Variants in TTBK2 observed in about 807,000 individuals in gnomAD.
TTBK2 encodes tau tubulin kinase 2.
A neutral mutation model predicts 110.8 loss-of-function variants in TTBK2; 28 were observed. The ratio of observed to expected loss-of-function variants is 0.25; its 90% confidence interval spans 0.19 to 0.35. The LOEUF is 0.35. Among genes scored for constraint, TTBK2 ranks in the 10% least tolerant of loss-of-function variants. The pLI is 1.00. For synonymous variants in TTBK2, 532 were observed against 527.3 expected (o/e 1.01, Z -0.12); for missense variants, 1,369 against 1,500.3 (o/e 0.91, Z 1.45).
intron 1 of TTBK2, among the ~76,000 whole-genome samples, chr15:42,918,174 C>A (rs1056227567): frequency 3.3e-5 from 5 of 152,034 alleles, no homozygotes; most frequent in African/African-American, 1.2e-4. Context: ...CTCCGATCCA[C>A]CCCCTCAGTC....
intron 1 of TTBK2, among the ~76,000 whole-genome samples, chr15:42,883,438 C>A (rs566714307): frequency 1.3e-5 from 2 of 149,886 alleles, no homozygotes; most frequent in African/African-American, 4.9e-5. Context: ...CTCAAGATTG[C>A]GGTTAGGTTT....
chr15:42,852,331 A>G (rs978773948), intron 3 of TTBK2, among the ~76,000 whole-genome samples: 2 of 152,156 alleles, frequency 1.3e-5, no homozygotes, highest in Non-Finnish European at 2.9e-5. Context: ...AACCTCCCAA[A>G]GTGCTGGGAT....
At chr15:42,776,134 C>T (rs1038689925) in intron 12 of TTBK2, among the ~76,000 whole-genome samples, 1 of 152,162 alleles carries the variant, frequency 6.6e-6, no homozygotes, top group African/African-American at 2.4e-5. Flanking sequence ...TGAGGAAGAA[C>T]ACACATATGT....
chr15:42,826,726 C>T (rs1207032055), intron 6 of TTBK2, among the ~76,000 whole-genome samples: 2 of 152,154 alleles, frequency 1.3e-5, no homozygotes, highest in Admixed American at 1.3e-4. Context: ...CATTCTGAAC[C>T]TATTCTTATT....
At chr15:42,789,696 T>C (rs1053806046) in intron 10 of TTBK2, among the ~76,000 whole-genome samples, 1 of 152,036 alleles carries the variant, frequency 6.6e-6, no homozygotes, top group African/African-American at 2.4e-5. Flanking sequence ...ATCATGTCAT[T>C]GCACTCCAGC....
In TTBK2 at chr15:42,754,404, A is replaced by T. The variant is rs541760657; in HGVS notation, c.1999-1157T>A. Among the ~76,000 whole-genome samples, 197 of 150,186 alleles carry T rather than the reference A, an allele frequency of 1.3e-3. 1 individual carries two copies. The highest frequency in any genetic ancestry group is 4.5e-3 in the African/African-American group (186 of 40,944). On this transcript the variant is annotated intron_variant, in intron 13 of 14. Coordinates refer to ENST00000267890, the MANE Select transcript of TTBK2 (RefSeq NM_173500.4). ...CCAATTTTTTATTTTATTTTATTTT[A>T]TTTTTTTATGAGATGTTGTCTTGCT...
rs921699383 is a variant in TTBK2 at position 42,743,739 on chromosome 15, G to C, written c.*2056C>G. 2.0e-5 allele frequency: 3 copies of C among 152,018 alleles called. No individual in the cohort carries two copies. Among genetic ancestry groups the C allele is most frequent in the Admixed American group, 2.0e-4 (3 of 15,268 alleles). 9.4% of individuals were successfully genotyped at this position (152,018 alleles called of 1,614,324 possible). On this transcript the variant is annotated 3_prime_UTR_variant, in exon 15 of 15. Coordinates refer to ENST00000267890, the MANE Select transcript of TTBK2 (RefSeq NM_173500.4). ...ATTTTTTCCCTATTAAAATCTTTTT[G>C]AAATGAAAATTAAATAACCTATCTT...
At chr15:42,786,905 T>C (rs1428627273) in intron 10 of TTBK2, among the ~76,000 whole-genome samples, 1 of 152,200 alleles carries the variant, frequency 6.6e-6, no homozygotes, top group African/African-American at 2.4e-5. Flanking sequence ...TTCAGGAATA[T>C]GAATGAGTGA....
chr15:42,810,531 A>C, intron 9 of TTBK2, 83 bp downstream of exon 9: 1 of 1,569,838 alleles, frequency 6.4e-7, no homozygotes, highest in Non-Finnish European at 8.7e-7. Flanking sequence ...CTACTCATTT[A>C]TAACACCTTC....
rs980218233 is a variant in TTBK2, at chr15:42,841,693, G to A, written c.218-1260C>T. ...TTCTAGCGGAGAAGGTCACTCTGGG[G>A]GATAGTTACAATATCCACGAGAAAG... On this transcript the variant is annotated intron_variant, in intron 3 of 14. Coordinates refer to ENST00000267890, the MANE Select transcript of TTBK2 (RefSeq NM_173500.4). 7.2e-5 allele frequency among the ~76,000 whole-genome samples: 11 copies of A among 152,102 alleles called. No homozygotes were observed. The East Asian group carries it at 2.1e-3, about 29-fold the overall frequency.
Position 42,778,298 on chromosome 15 carries a change from A to AC in TTBK2, c.1198-1057_1198-1056insG, listed in dbSNP as rs1048014898. On this transcript the variant is annotated intron_variant, in intron 11 of 14. Transcript: ENST00000267890. ...GTTAAGCAGCAAGTAAGCAAAAAAA[A>AC]AAAAAACAAAAAAGGTTGAAATTAT... is the stretch of plus-strand genomic sequence containing the variant. 5.3e-5 allele frequency among the ~76,000 whole-genome samples: 8 copies of AC among 151,670 alleles called. No individual in the cohort carries two copies. In the East Asian group the frequency reaches 1.2e-3, roughly 22 times the overall value.
chr15:42,747,762 A>G (rs1368888421), intron 14 of TTBK2, among the ~76,000 whole-genome samples: 1 of 152,220 alleles, frequency 6.6e-6, no homozygotes, highest in African/African-American at 2.4e-5. Context: ...CCCCTCTAAT[A>G]ATAAAACTAT....
Position 42,815,958 on chromosome 15 carries a change from A to AAAAAATATATATATATAT in TTBK2, c.603+1073_603+1074insATATATATATATATTTTT, listed in dbSNP as rs71108183. 4.3e-3 allele frequency among the ~76,000 whole-genome samples: 392 copies of AAAAAATATATATATATAT among 91,660 alleles called. 4 individuals carry two copies. The highest frequency in any genetic ancestry group is 5.6e-3 in the Non-Finnish European group (301 of 53,612). The allele number at this position is 91,660 out of a possible 152,430, so 60.1% of individuals were successfully genotyped here. ...TATATATATATATATTTAAAAAAAA[A>AAAAAATATATATATATAT]ATATATATATATATATATATTTGAG... On this transcript the variant is annotated intron_variant, in intron 7 of 14. Coordinates refer to ENST00000267890, the MANE Select transcript of TTBK2 (RefSeq NM_173500.4).
chr15:42,844,248 T>G (rs955185336), intron 3 of TTBK2, among the ~76,000 whole-genome samples: 1 of 152,130 alleles, frequency 6.6e-6, no homozygotes, highest in South Asian at 2.1e-4. Context: ...AATAAATGAA[T>G]AGAATAATGG....
rs796405914 is a variant in TTBK2 at position 42,860,640 on chromosome 15, C to CTTTTTT, written c.217+11965_217+11970dup. On this transcript the variant is annotated intron_variant, in intron 3 of 14. Coordinates refer to ENST00000267890, the MANE Select transcript of TTBK2 (RefSeq NM_173500.4). ...TTAAACCTTAGCTGGGGTATTCTTTCTTTTTTTTTTTTTTTTTTTTTGAGA... is the reference window on the plus strand; with the variant it reads ...TTAAACCTTAGCTGGGGTATTCTTTCTTTTTTTTTTTTTTTTTTTTTTTTTTTGAGA... Among the ~76,000 whole-genome samples, 44 of 102,084 alleles carry CTTTTTT rather than the reference C, an allele frequency of 4.3e-4. 1 individual carries two copies. Among genetic ancestry groups the CTTTTTT allele is most frequent in the African/African-American group, 1.2e-3 (31 of 25,446 alleles). 67.0% of individuals were successfully genotyped at this position (102,084 alleles called of 152,430 possible).
intron 2 of TTBK2, 138 bp from the exon 3 acceptor site, chr15:42,872,896 C>A: frequency 9.2e-7 from 1 of 1,082,878 alleles, no homozygotes; most frequent in South Asian, 1.8e-5. Flanking sequence ...GTTAAATTAA[C>A]TATGTATATG....
intron 9 of TTBK2, chr15:42,802,138 TC>T: frequency 7.0e-7 from 1 of 1,427,252 alleles, no homozygotes; most frequent in Non-Finnish European, 9.8e-7. Flanking sequence ...GATCTGCTTC[TC>T]CTCCTGGGTG....
chr15:42,904,672 G>C (rs974524995), intron 1 of TTBK2, among the ~76,000 whole-genome samples: 7 of 152,016 alleles, frequency 4.6e-5, no homozygotes, highest in African/African-American at 1.7e-4. Context: ...AAAATTTGCT[G>C]GGTAGAAAAA....
intron 1 of TTBK2, among the ~76,000 whole-genome samples, chr15:42,916,885 T>C (rs1314561926): frequency 1.3e-5 from 2 of 152,170 alleles, no homozygotes; most frequent in African/African-American, 2.4e-5. Flanking sequence ...ATATTAATTA[T>C]AAAACCATTT....
Sources: gnomAD v4.1 joint callset for allele counts (sites outside exome capture counted in the v4.1 genomes callset) on GRCh38, gnomAD v4.1.1 for gene constraint, MANE v1.5 for transcripts, NCBI Gene and HGNC (gene_info 2026-07-23, HGNC 2026-07-21) for gene names.